DOCK11: variants seen among roughly 807,000 people sequenced by gnomAD.
DOCK11 encodes the protein dedicator of cytokinesis protein 11.
A neutral mutation model predicts 169.1 loss-of-function variants in DOCK11; 70 were observed. That is an observed-to-expected ratio of 0.41 (90% CI 0.34 to 0.51). The LOEUF (loss-of-function observed/expected upper bound fraction) is 0.51. Ranked by LOEUF, DOCK11 falls within the 20% of genes least tolerant of loss-of-function variation. The probability of loss-of-function intolerance (pLI) is 0.10; values close to 1 mark genes in which losing one functional copy is unlikely to be tolerated. For synonymous variants in DOCK11, 529 were observed against 541.3 expected (o/e 0.98, Z 0.32); for missense variants, 1,166 against 1,538.8 (o/e 0.76, Z 4.05).
rs1157870369 is a variant in DOCK11, at chrX:118,588,476, A to C, written c.2044A>C (p.Lys682Gln). 1 of 1,176,988 alleles carries C rather than the reference A, an allele frequency of 8.5e-7. No individual in the cohort carries two copies. Among genetic ancestry groups the C allele is most frequent in the African/African-American group, 1.8e-5 (1 of 56,056 alleles). The change falls in exon 18 of 53, where the codon AAG (lysine) becomes CAG (glutamine). Residue 682 changes from lysine to glutamine, a missense_variant and splice_region_variant. Lys to Gln is a moderately conservative substitution (Grantham distance 53, BLOSUM62 1). Transcript: ENST00000276202. ...AGATGAAAGTGACGCTAGTGCCCTAAAGGTTTGTTTATGATATTGATAGGC... is the reference window on the plus strand; with the variant it reads ...AGATGAAAGTGACGCTAGTGCCCTACAGGTTTGTTTATGATATTGATAGGC... ...DSDESDASALKCIYGKPAGSV... is the reference protein window; with the variant it reads ...DSDESDASALQCIYGKPAGSV...
rs373115305 is a variant in DOCK11, at chrX:118,649,115, G to C, written c.4569G>C (p.Arg1523Ser). 7.5e-6 allele frequency: 9 copies of C among 1,195,018 alleles called. No homozygotes were observed. The highest frequency in any genetic ancestry group is 4.5e-6 in the Non-Finnish European group (4 of 888,188). Residue 1523 changes from arginine (R) to serine (S), a missense_variant, in exon 41 of 53, where the codon AGG becomes AGC. Arg to Ser is a moderately radical substitution (Grantham distance 110). Transcript: ENST00000276202. ...FEYTKRKTFL[R>S]THLQIIIAVS... ...ATACCAAAAGGAAAACCTTTTTGAG[G>C]ACACATCTACAGGTCAGTGAAAATA... is the stretch of plus-strand genomic sequence containing the variant.
At chrX:118,530,915 A>G (rs965159035) in intron 1 of DOCK11, among the ~76,000 whole-genome samples, 3 of 112,132 alleles carry the variant, frequency 2.7e-5, no homozygotes, top group African/African-American at 9.7e-5. Flanking sequence ...ACTAAGTTCT[A>G]TGTTTTCTAT....
chrX:118,648,276 T>C (rs1006140054), intron 40 of DOCK11, among the ~76,000 whole-genome samples: 9 of 88,929 alleles, frequency 1.0e-4, no homozygotes, highest in Admixed American at 3.2e-4. Context: ...TATAGTGATA[T>C]AGTGGCAATT....
chrX:118,621,821 G>A (rs1040717890), intron 31 of DOCK11, among the ~76,000 whole-genome samples: 1 of 111,208 alleles, frequency 9.0e-6, no homozygotes, highest in Non-Finnish European at 1.9e-5. Context: ...TTTTAGCAGA[G>A]ATGGGATTTC....
chrX:118,500,814 GT>G (rs1186180719), intron 1 of DOCK11, among the ~76,000 whole-genome samples: 1 of 109,937 alleles, frequency 9.1e-6, no homozygotes, highest in African/African-American at 3.3e-5. Flanking sequence ...GTTTTGTTTT[GT>G]TTTTTTAGTA....
At chrX:118,642,398 G>C (rs1486189775) in intron 39 of DOCK11, among the ~76,000 whole-genome samples, 1 of 111,888 alleles carries the variant, frequency 8.9e-6, no homozygotes, top group Non-Finnish European at 1.9e-5. Flanking sequence ...ACCCAACTCT[G>C]TTGCCGAATT....
intron 20 of DOCK11, 107 bp downstream of exon 20, chrX:118,593,444 A>C: frequency 1.3e-6 from 1 of 774,950 alleles, no homozygotes; most frequent in South Asian, 4.3e-5. Flanking sequence ...CTTGACCAAA[A>C]ACCACTGTAT....
chrX:118,544,231 T>G (rs1386042344), intron 4 of DOCK11, among the ~76,000 whole-genome samples: 1 of 111,760 alleles, frequency 8.9e-6, no homozygotes, highest in East Asian at 2.8e-4. Flanking sequence ...TTGATGAACC[T>G]AGCCATCCCT....
chrX:118,545,891 C>A, intron 5 of DOCK11, 130 bp from the exon 6 acceptor site: 1 of 453,349 alleles, frequency 2.2e-6, no homozygotes, highest in Non-Finnish European at 3.8e-6. Context: ...ATTTTAAATC[C>A]TCACGGGGAA....
intron 40 of DOCK11, among the ~76,000 whole-genome samples, chrX:118,647,139 A>ATGTGTGTGTG (rs200211345): frequency 2.3e-5 from 2 of 85,505 alleles, no homozygotes; most frequent in Admixed American, 1.4e-4. Context: ...TGAAGAGGAT[A>ATGTGTGTGTG]TGTGTGTGTG....
intron 46 of DOCK11, among the ~76,000 whole-genome samples, chrX:118,672,412 CTTT>C (rs1179221739): frequency 9.0e-6 from 1 of 110,898 alleles, no homozygotes; most frequent in African/African-American, 3.3e-5. Context: ...GCAATTTATT[CTTT>C]TTTTTTGTTT....
At position 118,545,371 on chromosome X, in the gene DOCK11, T is replaced by C. The variant is rs762553849; in HGVS notation, c.441T>C (p.Asp147=). ...TTCCTAATCATGTATTTGAGATAGA[T>C]GAAGACTGTGAGAAAGATGAGGTAA... ...EKIPNHVFEI[D]EDCEKDEDSS... Residue 147 remains aspartate (D), a synonymous_variant, in exon 5 of 53, where the codon GAT becomes GAC. Coordinates refer to ENST00000276202, the MANE Select transcript of DOCK11 (RefSeq NM_144658.4). 5 of 1,196,467 alleles carry C rather than the reference T, an allele frequency of 4.2e-6. No homozygotes were observed. Among genetic ancestry groups the C allele is most frequent in the Non-Finnish European group, 5.6e-6 (5 of 888,784 alleles).
In DOCK11 at chrX:118,641,179, T is replaced by C; in HGVS notation, c.4145-11T>C. The C allele has an allele frequency of 8.6e-7, 1 of 1,168,300 alleles. No homozygotes were observed. Among genetic ancestry groups the C allele is most frequent in the South Asian group, 1.8e-5 (1 of 55,768 alleles). On this transcript the variant is annotated splice_polypyrimidine_tract_variant and intron_variant, in intron 38 of 52. Coordinates refer to ENST00000276202, the MANE Select transcript of DOCK11 (RefSeq NM_144658.4). ...TGTTGGGAAAAGTTTAATTTACTTT[T>C]TTAATCCTAGGTTCTACAACAACTG...
intron 6 of DOCK11, among the ~76,000 whole-genome samples, chrX:118,556,096 G>A (rs1343383214): frequency 9.5e-6 from 1 of 105,754 alleles, no homozygotes; most frequent in African/African-American, 3.5e-5. Flanking sequence ...CCAGGCTGGA[G>A]TGCAGTGGTA....
Position 118,678,861 on chromosome X carries a change from C to T in DOCK11, c.5461-1621C>T, listed in dbSNP as rs181700580. On this transcript the variant is annotated intron_variant, in intron 48 of 52. Transcript: ENST00000276202. ...TCACAGCTCACGGCAGCCTTGACCT[C>T]CTGTGCTCAAGCGATCCTCCCACCT... 9.9e-3 allele frequency among the ~76,000 whole-genome samples: 1,099 copies of T among 111,196 alleles called. 8 individuals carry two copies. The highest frequency in any genetic ancestry group is 0.015 in the Non-Finnish European group (816 of 52,947).
chrX:118,560,451 A>G (rs140865282), intron 6 of DOCK11, among the ~76,000 whole-genome samples: 1 of 111,814 alleles, frequency 8.9e-6, no homozygotes, highest in Non-Finnish European at 1.9e-5. Flanking sequence ...CATTTCCTCA[A>G]TAATCACCAG....
At chrX:118,627,613 G>A (rs1219467030) in intron 33 of DOCK11, 34 bp downstream of exon 33, 3 of 1,052,742 alleles carry the variant, frequency 2.8e-6, no homozygotes, top group Admixed American at 4.4e-5. Context: ...TACATTGCGT[G>A]GGTGTTTAGA....
chrX:118,671,781 G>C (rs2016479572), intron 46 of DOCK11, among the ~76,000 whole-genome samples: 1 of 111,895 alleles, frequency 8.9e-6, no homozygotes, highest in Non-Finnish European at 1.9e-5. Flanking sequence ...CCGAGTTCAA[G>C]CAGTTCTCCT....
rs368027571 is a variant in DOCK11, at chrX:118,654,956, G to A, written c.4964G>A (p.Arg1655Gln). Residue 1655 changes from arginine (R) to glutamine (Q), a missense_variant, in exon 44 of 53, where the codon CGA becomes CAA. Coordinates refer to ENST00000276202, the MANE Select transcript of DOCK11 (RefSeq NM_144658.4). ...GCTCTAGTTGCAGAGTTTCTTCATC[G>A]AAAAAGTAAGATATTTCTGTTTTTA... Reference protein sequence around the residue: ...VAALVAEFLHRKKLFPNGCSA... With the variant: ...VAALVAEFLHQKKLFPNGCSA... The A allele has an allele frequency of 5.0e-6, 6 of 1,203,474 alleles. No individual in the cohort carries two copies. Among genetic ancestry groups the A allele is most frequent in the African/African-American group, 3.5e-5 (2 of 57,150 alleles).
Sources: allele counts gnomAD v4.1 joint callset (sites outside exome capture counted in the v4.1 genomes callset), GRCh38; gene constraint gnomAD v4.1.1; transcripts MANE v1.5; gene names NCBI Gene and HGNC (gene_info 2026-07-23, HGNC 2026-07-21).